The following PRKG1 variants were observed in gnomAD, a reference collection of about 807,000 sequenced individuals.
PRKG1 encodes the protein cGMP-dependent protein kinase 1.
Under a neutral mutation model 88.1 loss-of-function variants are expected in PRKG1, and 35 were observed. The observed-to-expected ratio is 0.40, with a 90% CI of 0.30 to 0.53. The LOEUF (loss-of-function observed/expected upper bound fraction) is 0.53. Ranked by LOEUF, PRKG1 falls within the 20% of genes least tolerant of loss-of-function variation. The probability of loss-of-function intolerance (pLI) is 0.59; values close to 1 mark genes in which losing one functional copy is unlikely to be tolerated. For missense variants in PRKG1, 540 were observed against 839.8 expected (o/e 0.64, Z 4.41); for synonymous variants, 303 against 292.5 (o/e 1.04, Z -0.37).
chr10:51,575,225 A>G (rs961852011), intron 3 of PRKG1, among the ~76,000 whole-genome samples: 8 of 151,930 alleles, frequency 5.3e-5, no homozygotes, highest in East Asian at 1.9e-4. Context: ...AGATTACAGT[A>G]TTTGTCATCA....
At chr10:51,502,397 A>G (rs1476693625) in intron 3 of PRKG1, among the ~76,000 whole-genome samples, 1 of 152,168 alleles carries the variant, frequency 6.6e-6, no homozygotes, top group Non-Finnish European at 1.5e-5. Context: ...CTATCTGAAC[A>G]CATCTAGGTT....
rs182878672 is a variant in PRKG1, at chr10:51,259,019, A to G, written c.478+105689A>G. ...TTTCAATGCATTTTGGTTTGGTTCC[A>G]CATTTTATAGTTTTTAGGGCTATAT... On this transcript the variant is annotated intron_variant, in intron 2 of 17. Coordinates refer to ENST00000373980, the MANE Select transcript of PRKG1 (RefSeq NM_006258.4). 1.9e-3 allele frequency among the ~76,000 whole-genome samples: 288 copies of G among 152,262 alleles called. 2 individuals carry two copies. Among genetic ancestry groups the G allele is most frequent in the African/African-American group, 6.3e-3 (263 of 41,562 alleles).
intron 2 of PRKG1, among the ~76,000 whole-genome samples, chr10:51,457,357 A>C (rs1188508468): frequency 6.6e-6 from 1 of 152,192 alleles, no homozygotes; most frequent in African/African-American, 2.4e-5. Context: ...GTTCTCACTT[A>C]TAAGTGGGAG....
At chr10:52,286,991 ATTTTG>A (rs1441857014) in intron 14 of PRKG1, among the ~76,000 whole-genome samples, 1 of 151,990 alleles carries the variant, frequency 6.6e-6, no homozygotes, top group African/African-American at 2.4e-5. Context: ...CTTCTAAATA[ATTTTG>A]TTTTATATAT....
intron 1 of PRKG1, among the ~76,000 whole-genome samples, chr10:51,118,164 G>A (rs1409514254): frequency 6.6e-6 from 1 of 152,048 alleles, no homozygotes; most frequent in African/African-American, 2.4e-5. Flanking sequence ...GAGCAGAGCA[G>A]CAATCTTTAG....
intron 2 of PRKG1, among the ~76,000 whole-genome samples, chr10:51,257,091 A>G (rs1231708294): frequency 6.6e-6 from 1 of 152,146 alleles, no homozygotes; most frequent in Non-Finnish European, 1.5e-5. Flanking sequence ...CAGATAGCTT[A>G]AAGCAAAATT....
At chr10:51,386,644 C>T (rs921537720) in intron 2 of PRKG1, among the ~76,000 whole-genome samples, 3 of 152,162 alleles carry the variant, frequency 2.0e-5, no homozygotes, top group African/African-American at 7.2e-5. Context: ...GAGAAATCTG[C>T]TCTACTCAGC....
chr10:50,995,642 A>G (rs368570070), intron 1 of PRKG1, among the ~76,000 whole-genome samples: 21 of 152,188 alleles, frequency 1.4e-4, no homozygotes, highest in African/African-American at 4.6e-4. Flanking sequence ...AGAATTACCT[A>G]TTATCCTTAA....
At chr10:51,515,147 A>G (rs896677680) in intron 3 of PRKG1, among the ~76,000 whole-genome samples, 1 of 152,230 alleles carries the variant, frequency 6.6e-6, no homozygotes, top group Non-Finnish European at 1.5e-5. Flanking sequence ...CTTTAGGTTT[A>G]TACTCAATTA....
At chr10:51,635,054 T>C (rs1369024981) in intron 3 of PRKG1, among the ~76,000 whole-genome samples, 2 of 152,058 alleles carry the variant, frequency 1.3e-5, no homozygotes, top group Admixed American at 1.3e-4. Context: ...GTAATTTATG[T>C]ATAAAAACAA....
chr10:52,274,360 T>C (rs1841814518), intron 12 of PRKG1, among the ~76,000 whole-genome samples: 1 of 151,492 alleles, frequency 6.6e-6, no homozygotes, highest in Admixed American at 6.6e-5. Context: ...CACATATCAG[T>C]GAGAACATGT....
chr10:51,768,380 T>G (rs1025263285), intron 3 of PRKG1, among the ~76,000 whole-genome samples: 1 of 152,146 alleles, frequency 6.6e-6, no homozygotes, highest in Admixed American at 6.6e-5. Flanking sequence ...CTCTAAGTAG[T>G]TCTCTTTGGC....
At chr10:51,871,266 A>G (rs1011853413) in intron 4 of PRKG1, among the ~76,000 whole-genome samples, 6 of 152,178 alleles carry the variant, frequency 3.9e-5, no homozygotes, top group Middle Eastern at 3.2e-3. Context: ...TTAATGCTGT[A>G]TGGTCACTGT....
intron 2 of PRKG1, among the ~76,000 whole-genome samples, chr10:51,204,566 C>T (rs893012714): frequency 6.6e-6 from 1 of 152,018 alleles, no homozygotes; most frequent in Non-Finnish European, 1.5e-5. Flanking sequence ...TCATAGCTAC[C>T]CTGCTGCCGG....
intron 1 of PRKG1, among the ~76,000 whole-genome samples, chr10:51,035,839 A>G (rs1364756567): frequency 5.3e-5 from 8 of 152,018 alleles, no homozygotes; most frequent in Non-Finnish European, 1.2e-4. Flanking sequence ...ACATTCTCTT[A>G]TATGTCTTTC....
rs201683049 is a variant in PRKG1, at chr10:51,728,449, C to CTTTT, written c.593-76133_593-76132insTTTT. Among the ~76,000 whole-genome samples, 199 of 57,868 alleles carry CTTTT rather than the reference C, an allele frequency of 3.4e-3. 10 individuals are homozygous for CTTTT. Among genetic ancestry groups the CTTTT allele is most frequent in the African/African-American group, 7.5e-3 (109 of 14,542 alleles). 38.0% of individuals were successfully genotyped at this position (57,868 alleles called of 152,430 possible). A position where few individuals can be genotyped will look rare whatever the true frequency, so the allele number is the denominator to read the frequency against. On this transcript the variant is annotated intron_variant, in intron 3 of 17. Coordinates refer to ENST00000373980, the MANE Select transcript of PRKG1 (RefSeq NM_006258.4). ...AAACAATAGCAAAATTCCATTTTTTCTTTGTTTTTTTTTTTTTTTTTTTTT... is the reference window on the plus strand; with the variant it reads ...AAACAATAGCAAAATTCCATTTTTTCTTTTTTTGTTTTTTTTTTTTTTTTTTTTT...
At chr10:52,109,525 G>A (rs1589613779) in intron 7 of PRKG1, among the ~76,000 whole-genome samples, 3 of 152,138 alleles carry the variant, frequency 2.0e-5, no homozygotes, top group African/African-American at 4.8e-5. Context: ...CCAACACTTC[G>A]GGAGGCCGAG....
chr10:52,144,209 G>A (rs1837664905), intron 8 of PRKG1, among the ~76,000 whole-genome samples: 1 of 152,164 alleles, frequency 6.6e-6, no homozygotes, highest in South Asian at 2.1e-4. Flanking sequence ...TAAGGGGAGT[G>A]TGGCAATAAC....
At chr10:51,264,508 A>G (rs1839791472) in intron 2 of PRKG1, among the ~76,000 whole-genome samples, 2 of 152,204 alleles carry the variant, frequency 1.3e-5, no homozygotes, top group Admixed American at 1.3e-4. Flanking sequence ...ATGGACATGT[A>G]TTAGTATTCA....
Sources: gnomAD v4.1 joint callset for allele counts (sites outside exome capture counted in the v4.1 genomes callset) on GRCh38, gnomAD v4.1.1 for gene constraint, MANE v1.5 for transcripts, NCBI Gene and HGNC (gene_info 2026-07-23, HGNC 2026-07-21) for gene names.